The following FSTL4 variants were observed in gnomAD, a reference collection of about 807,000 sequenced individuals.
The protein encoded by FSTL4 is follistatin-related protein 4.
FSTL4 carries 28 observed loss-of-function variants against 78.2 expected under a neutral mutation model. That is an observed-to-expected ratio of 0.36 (90% CI 0.27 to 0.49). FSTL4 has a LOEUF of 0.49. Among genes scored for constraint, FSTL4 ranks in the 20% least tolerant of loss-of-function variants. The probability of loss-of-function intolerance (pLI) is 0.98; values close to 1 mark genes in which losing one functional copy is unlikely to be tolerated. For missense variants in FSTL4, 922 were observed against 1,084.9 expected, an observed-to-expected ratio of 0.85 and a Z score of 2.11; for synonymous variants, 422 against 440.5, an observed-to-expected ratio of 0.96 and a Z score of 0.53.
intron 3 of FSTL4, among the ~76,000 whole-genome samples, chr5:133,460,635 G>A (rs77643037): frequency 0.017 from 2,575 of 152,266 alleles, 67 homozygotes; most frequent in African/African-American, 0.058. Flanking sequence ...GGGGCCCAAC[G>A]CTACCTAGGG....
At chr5:133,208,415 A>C (rs989143592) in intron 14 of FSTL4, 1 of 152,228 alleles carries the variant, frequency 6.6e-6, no homozygotes, top group South Asian at 2.1e-4. Context: ...ACTAGTGAAG[A>C]GATGTGTCAT....
In FSTL4 at chr5:133,236,834, C is replaced by A. The variant is rs953965276; in HGVS notation, c.895-3297G>T. On this transcript the variant is annotated intron_variant, in intron 7 of 15. Coordinates refer to ENST00000265342, the MANE Select transcript of FSTL4 (RefSeq NM_015082.2). This position sits in a 1 kb window ranked among gnomAD's most constrained non-coding sequence, Gnocchi z 5.0. ...CTGGAGCCTAACCTCTTCCCCACAC[C>A]CTGCTTGGCGCCTCCTGTGGACGCA... 2.6e-5 allele frequency among the ~76,000 whole-genome samples: 4 copies of A among 152,364 alleles called. No homozygotes were observed. Among genetic ancestry groups the A allele is most frequent in the Admixed American group, 1.3e-4 (2 of 15,308 alleles).
chr5:133,223,069 G>T (rs1422519742), intron 11 of FSTL4, among the ~76,000 whole-genome samples: 3 of 152,156 alleles, frequency 2.0e-5, no homozygotes, highest in African/African-American at 7.2e-5. Context: ...TTCGTGGTAG[G>T]TCTCTACTTC....
chr5:133,838,531 C>G, the FSTL4 span, among the ~76,000 whole-genome samples: 3 of 152,182 alleles, frequency 2.0e-5, no homozygotes, highest in African/African-American at 7.2e-5. Context: ...CTGGGCTCAT[C>G]TCAAAGGCTG....
At chr5:133,755,358 C>T in the FSTL4 span, among the ~76,000 whole-genome samples, 906 of 152,206 alleles carry the variant, frequency 6.0e-3, 3 homozygotes, top group African/African-American at 6.6e-3. Context: ...GAGCTGGTCC[C>T]GGGACAATAA....
intron 3 of FSTL4, among the ~76,000 whole-genome samples, chr5:133,408,786 G>C (rs1023954985): frequency 6.6e-6 from 1 of 152,156 alleles, no homozygotes. Context: ...TGGTCCTTAC[G>C]GGATTGCCCC....
chr5:133,297,594 C>A (rs1401999105), intron 6 of FSTL4, among the ~76,000 whole-genome samples: 1 of 152,188 alleles, frequency 6.6e-6, no homozygotes, highest in African/African-American at 2.4e-5. Context: ...GCTTAACACT[C>A]AGTCAATGTT....
At chr5:133,726,688 A>C in the FSTL4 span, among the ~76,000 whole-genome samples, 7 of 152,174 alleles carry the variant, frequency 4.6e-5, no homozygotes, top group Non-Finnish European at 1.0e-4. Flanking sequence ...AGGTGGCTTC[A>C]AATACAGCCC....
chr5:133,395,793 G>C (rs1025271092), intron 4 of FSTL4, among the ~76,000 whole-genome samples: 1 of 152,082 alleles, frequency 6.6e-6, no homozygotes, highest in Admixed American at 6.5e-5. Context: ...CACCTTGAAG[G>C]TCCCCTCTCC....
intron 3 of FSTL4, among the ~76,000 whole-genome samples, chr5:133,527,878 G>C (rs1173608058): frequency 6.6e-6 from 1 of 152,180 alleles, no homozygotes; most frequent in Non-Finnish European, 1.5e-5. Flanking sequence ...CCACATGGCA[G>C]CCTTGGCCTT....
In FSTL4 at chr5:133,250,072, C is replaced by A. The variant is rs77940310; in HGVS notation, c.728-496G>T. ...AAGTCTGGGGAATGAACTGGCTGAT[C>A]TTTGAAGGTTTGTTTCTGTCTAAGG... On this transcript the variant is annotated intron_variant, in intron 6 of 15. Coordinates refer to ENST00000265342, the MANE Select transcript of FSTL4 (RefSeq NM_015082.2). Among the ~76,000 whole-genome samples the A allele has an allele frequency of 5.8e-3, 884 of 152,336 alleles. 11 individuals are homozygous for A. The highest frequency in any genetic ancestry group is 0.02 in the African/African-American group (844 of 41,576).
intron 3 of FSTL4, among the ~76,000 whole-genome samples, chr5:133,465,245 C>A (rs1453327881): frequency 6.6e-6 from 1 of 152,218 alleles, no homozygotes; most frequent in African/African-American, 2.4e-5. Flanking sequence ...CCATTGGGAG[C>A]ACCCATTCTA....
chr5:133,549,699 T>G (rs990894039), intron 3 of FSTL4, among the ~76,000 whole-genome samples: 2 of 152,180 alleles, frequency 1.3e-5, no homozygotes, highest in Non-Finnish European at 2.9e-5. Context: ...TGCTCTACCA[T>G]GTACCTAGGA....
In FSTL4 at chr5:133,225,096, C is replaced by A; in HGVS notation, c.1312+54G>T. The stretch of plus-strand genomic sequence containing the variant: ...CTGGTCAATTGGTGCCCTCCCTTGC[C>A]ACCCAACACCTCCCAGCCAGCTCAG... On this transcript the variant is annotated intron_variant, in intron 10 of 15. Coordinates refer to ENST00000265342, the MANE Select transcript of FSTL4 (RefSeq NM_015082.2). The surrounding 1 kb of genome is among the most constrained non-coding windows in gnomAD (Gnocchi z 4.6). 6.2e-7 allele frequency: 1 copy of A among 1,610,374 alleles called. No individual in the cohort carries two copies. Among genetic ancestry groups the A allele is most frequent in the South Asian group, 1.1e-5 (1 of 90,830 alleles).
chr5:133,513,135 TA>T (rs1758770715), intron 3 of FSTL4, among the ~76,000 whole-genome samples: 1 of 152,132 alleles, frequency 6.6e-6, no homozygotes, highest in South Asian at 2.1e-4. Flanking sequence ...TAAGATTTTC[TA>T]GTATCTCACA....
At chr5:133,371,517 G>A (rs1348496170) in intron 4 of FSTL4, among the ~76,000 whole-genome samples, 3 of 152,182 alleles carry the variant, frequency 2.0e-5, no homozygotes, top group East Asian at 1.9e-4. Context: ...TGTGAGAGCC[G>A]CTGAGTGTCC....
At chr5:133,631,244 A>C in the FSTL4 span, among the ~76,000 whole-genome samples, 1 of 152,070 alleles carries the variant, frequency 6.6e-6, no homozygotes, top group African/African-American at 2.4e-5. Flanking sequence ...TTTGCAATCT[A>C]TCCATCTGAT....
chr5:133,578,688 A>G (rs1760336660), intron 2 of FSTL4, among the ~76,000 whole-genome samples: 1 of 152,250 alleles, frequency 6.6e-6, no homozygotes, highest in Non-Finnish European at 1.5e-5. Flanking sequence ...GCTAAAGGTT[A>G]TTCATTTACA....
chr5:133,354,920 A>G (rs1034165536), intron 4 of FSTL4, among the ~76,000 whole-genome samples: 2 of 152,230 alleles, frequency 1.3e-5, no homozygotes, highest in African/African-American at 4.8e-5. Flanking sequence ...GCCTGGGCCT[A>G]GGCCTGCTCT....
Sources: allele counts gnomAD v4.1 joint callset (sites outside exome capture counted in the v4.1 genomes callset), GRCh38; gene constraint gnomAD v4.1.1; non-coding constraint Gnocchi (gnomAD v3.1); transcripts MANE v1.5; gene names NCBI Gene and HGNC (gene_info 2026-07-23, HGNC 2026-07-21).